ZBTB20: variants seen among roughly 807,000 people sequenced by gnomAD.
The protein encoded by ZBTB20 is zinc finger and BTB domain-containing protein 20.
Under a neutral mutation model 56.9 loss-of-function variants are expected in ZBTB20, and 9 were observed. That is an observed-to-expected ratio of 0.16 (90% CI 0.10 to 0.28). ZBTB20 has a LOEUF of 0.28. Among genes scored for constraint, ZBTB20 ranks in the 10% least tolerant of loss-of-function variants. The probability of loss-of-function intolerance (pLI) is 1.00; values close to 1 mark genes in which losing one functional copy is unlikely to be tolerated. For missense variants in ZBTB20, 655 were observed against 1,003.0 expected, an observed-to-expected ratio of 0.65 and a Z score of 4.69; for synonymous variants, 417 against 420.7, an observed-to-expected ratio of 0.99 and a Z score of 0.11.
At chr3:114,388,826 A>G (rs533221281) in intron 8 of ZBTB20, 179 bp downstream of exon 8, 1 of 152,408 alleles carries the variant, frequency 6.6e-6, no homozygotes, top group South Asian at 2.1e-4. Context: ...CATGGTGTGC[A>G]CTGCAGCCGG....
chr3:114,598,481 A>T (rs527909031), intron 6 of ZBTB20, among the ~76,000 whole-genome samples: 2 of 152,138 alleles, frequency 1.3e-5, no homozygotes, highest in East Asian at 3.9e-4. Flanking sequence ...TTGTATAAAG[A>T]AAATTAGTAT....
intron 2 of ZBTB20, among the ~76,000 whole-genome samples, chr3:115,068,649 T>A (rs560060508): frequency 9.9e-5 from 15 of 152,062 alleles, no homozygotes; most frequent in African/African-American, 1.7e-4. Context: ...TAGACTATAA[T>A]CTGAAGAACA....
At chr3:114,410,088 C>T (rs1485646384) in intron 7 of ZBTB20, among the ~76,000 whole-genome samples, 1 of 152,194 alleles carries the variant, frequency 6.6e-6, no homozygotes, top group Non-Finnish European at 1.5e-5. Context: ...AGAGACCCAA[C>T]ATCCAGCAGA....
chr3:114,859,327 CCTTT>C (rs1279930921), intron 4 of ZBTB20, among the ~76,000 whole-genome samples: 5 of 149,090 alleles, frequency 3.4e-5, no homozygotes, highest in African/African-American at 4.9e-5. Context: ...TGCCTTCCTT[CCTTT>C]CTTCTTTCCT....
intron 2 of ZBTB20, among the ~76,000 whole-genome samples, chr3:115,064,649 A>G (rs1204597894): frequency 6.6e-6 from 1 of 151,738 alleles, no homozygotes; most frequent in African/African-American, 2.4e-5. Flanking sequence ...AGGTTTCACC[A>G]TGTTGGTCAG....
At chr3:114,810,700 G>A (rs2072456053) in intron 4 of ZBTB20, among the ~76,000 whole-genome samples, 1 of 152,112 alleles carries the variant, frequency 6.6e-6, no homozygotes. Flanking sequence ...GGGCATAAAC[G>A]ACTTATGCCA....
chr3:114,497,413 A>C (rs1185220625), intron 7 of ZBTB20, among the ~76,000 whole-genome samples: 14 of 152,058 alleles, frequency 9.2e-5, no homozygotes, highest in African/African-American at 7.2e-5. Context: ...CTACTCTTTC[A>C]ACCACCATGT....
chr3:114,702,917 C>A (rs2063484563), intron 5 of ZBTB20, among the ~76,000 whole-genome samples: 1 of 151,294 alleles, frequency 6.6e-6, no homozygotes, highest in African/African-American at 2.4e-5. Context: ...AGTATTCGTT[C>A]AAAATAATTT....
intron 3 of ZBTB20, chr3:114,930,816 C>A: frequency 3.4e-6 from 1 of 290,172 alleles, no homozygotes; most frequent in South Asian, 4.6e-5. Context: ...GTGTAGGACA[C>A]GGAGAGACTG....
chr3:114,892,207 T>C (rs929169559), intron 4 of ZBTB20, among the ~76,000 whole-genome samples: 2 of 152,224 alleles, frequency 1.3e-5, no homozygotes, highest in Non-Finnish European at 2.9e-5. Flanking sequence ...TTTAGAGAGA[T>C]AGCTCCATTT....
At chr3:114,913,096 C>G (rs1468495613) in intron 3 of ZBTB20, among the ~76,000 whole-genome samples, 1 of 151,916 alleles carries the variant, frequency 6.6e-6, no homozygotes, top group Non-Finnish European at 1.5e-5. Context: ...TGGGTATATA[C>G]CTAGCAGTCA....
intron 7 of ZBTB20, among the ~76,000 whole-genome samples, chr3:114,483,231 A>C (rs999218202): frequency 1.3e-5 from 2 of 152,140 alleles, no homozygotes; most frequent in African/African-American, 4.8e-5. Flanking sequence ...CTATTTGAAA[A>C]TAATTTTCCC....
intron 3 of ZBTB20, among the ~76,000 whole-genome samples, chr3:114,945,144 C>T (rs1349386104): frequency 2.1e-5 from 3 of 144,838 alleles, no homozygotes; most frequent in Non-Finnish European, 3.0e-5. Context: ...CATATATATA[C>T]ACAAAAAAGT....
At chr3:114,646,714 A>G (rs1016658799) in intron 6 of ZBTB20, among the ~76,000 whole-genome samples, 3 of 152,260 alleles carry the variant, frequency 2.0e-5, no homozygotes, top group East Asian at 1.9e-4. Flanking sequence ...GTTACAAGGG[A>G]TTTGATCCCC....
At chr3:115,058,980 A>G (rs2081917838) in intron 2 of ZBTB20, among the ~76,000 whole-genome samples, 1 of 152,210 alleles carries the variant, frequency 6.6e-6, no homozygotes, top group African/African-American at 2.4e-5. Context: ...ATACCAATGT[A>G]GTAAATTTTT....
intron 2 of ZBTB20, among the ~76,000 whole-genome samples, chr3:115,010,629 A>G (rs756925762): frequency 2.6e-5 from 4 of 151,970 alleles, no homozygotes; most frequent in African/African-American, 4.8e-5. Flanking sequence ...CTTAGATCAC[A>G]ACATTCAGGT....
intron 1 of ZBTB20, among the ~76,000 whole-genome samples, chr3:115,098,137 T>A (rs1424254676): frequency 2.6e-5 from 4 of 152,200 alleles, no homozygotes; most frequent in Non-Finnish European, 5.9e-5. Flanking sequence ...GTGAAATTTT[T>A]AAAAATATTG....
intron 2 of ZBTB20, among the ~76,000 whole-genome samples, chr3:115,066,481 A>G (rs1405318473): frequency 6.6e-6 from 1 of 152,068 alleles, no homozygotes; most frequent in Non-Finnish European, 1.5e-5. Flanking sequence ...TCATGCCCTC[A>G]CTATACTTCA....
At chr3:114,978,303 TTATTATTAAATAA>T in intron 2 of ZBTB20, among the ~76,000 whole-genome samples, 1 of 148,516 alleles carries the variant, frequency 6.7e-6, no homozygotes, top group Non-Finnish European at 1.5e-5. Context: ...TTATTACTAT[TTATTATTAAATAA>T]TATTATTAAT....
Sources: allele counts gnomAD v4.1 joint callset (sites outside exome capture counted in the v4.1 genomes callset), GRCh38; gene constraint gnomAD v4.1.1; transcripts MANE v1.5; gene names NCBI Gene and HGNC (gene_info 2026-07-23, HGNC 2026-07-21).